The following HPSE2 variants were observed in gnomAD, a reference collection of about 807,000 sequenced individuals.
The protein encoded by HPSE2 is inactive heparanase-2.
HPSE2 carries 38 observed loss-of-function variants against 60.5 expected under a neutral mutation model. That is an observed-to-expected ratio of 0.63 (90% confidence interval 0.48 to 0.82). The LOEUF is 0.82. Ranked by LOEUF, HPSE2 falls within the 40% of genes least tolerant of loss-of-function variation. HPSE2 has a pLI of 0.00. For missense variants in HPSE2, 713 were observed against 740.4 expected, an observed-to-expected ratio of 0.96 and a Z score of 0.43; for synonymous variants, 295 against 293.2, an observed-to-expected ratio of 1.01 and a Z score of -0.06.
intron 3 of HPSE2, among the ~76,000 whole-genome samples, chr10:98,881,023 C>T (rs963833439): frequency 3.3e-5 from 5 of 152,046 alleles, no homozygotes; most frequent in African/African-American, 4.8e-5. Flanking sequence ...TATCCCATAG[C>T]GTTGTTCCTC....
intron 2 of HPSE2, among the ~76,000 whole-genome samples, chr10:99,199,395 T>A (rs1300952334): frequency 6.6e-6 from 1 of 152,088 alleles, no homozygotes; most frequent in Non-Finnish European, 1.5e-5. Context: ...TGGTTTAATT[T>A]GCATTTCCCT....
intron 3 of HPSE2, among the ~76,000 whole-genome samples, chr10:99,069,992 A>G (rs1842735528): frequency 6.6e-6 from 1 of 152,186 alleles, no homozygotes. Flanking sequence ...AGAGTAAAGC[A>G]AGGTTTTTCA....
chr10:98,626,100 C>T (rs7914159), intron 7 of HPSE2, among the ~76,000 whole-genome samples: 1,479 of 134,400 alleles, frequency 0.011, 35 homozygotes, highest in African/African-American at 0.039. Flanking sequence ...AGCGAGACTC[C>T]GTCTCAAAAA....
chr10:99,221,304 C>T (rs766261827), intron 2 of HPSE2, among the ~76,000 whole-genome samples: 8 of 152,036 alleles, frequency 5.3e-5, no homozygotes, highest in Non-Finnish European at 1.0e-4. Flanking sequence ...ATATTAGCTA[C>T]CAAATAAGTG....
At chr10:99,208,116 T>A (rs1301027737) in intron 2 of HPSE2, among the ~76,000 whole-genome samples, 1 of 151,502 alleles carries the variant, frequency 6.6e-6, no homozygotes, top group African/African-American at 2.4e-5. Context: ...TTTTCTTTCT[T>A]CCTCTTTCTC....
chr10:98,560,540 A>C (rs1191612146), intron 9 of HPSE2, among the ~76,000 whole-genome samples: 1 of 152,104 alleles, frequency 6.6e-6, no homozygotes, highest in East Asian at 1.9e-4. Flanking sequence ...TGTAGGCCCC[A>C]CCTTTCTCTT....
At chr10:98,640,682 G>A (rs779929843) in intron 7 of HPSE2, among the ~76,000 whole-genome samples, 2 of 152,000 alleles carry the variant, frequency 1.3e-5, no homozygotes, top group Non-Finnish European at 2.9e-5. Context: ...TGTTTAATCC[G>A]CTCGAGAAAT....
At chr10:98,586,252 T>A (rs1944937738) in intron 9 of HPSE2, among the ~76,000 whole-genome samples, 1 of 152,198 alleles carries the variant, frequency 6.6e-6, no homozygotes. Flanking sequence ...ATGCATCGTA[T>A]TTTGACATAT....
At chr10:98,726,467 A>C (rs1949082574) in intron 4 of HPSE2, among the ~76,000 whole-genome samples, 1 of 123,754 alleles carries the variant, frequency 8.1e-6, no homozygotes, top group African/African-American at 3.1e-5. Flanking sequence ...GGGGAACATC[A>C]CACACCAGGG....
At chr10:99,302,675 G>A in the HPSE2 span, among the ~76,000 whole-genome samples, 1 of 152,068 alleles carries the variant, frequency 6.6e-6, no homozygotes, top group African/African-American at 2.4e-5. Context: ...AGATAGTTAA[G>A]TATTTCCATG....
chr10:99,025,690 G>C (rs957782609), intron 3 of HPSE2, among the ~76,000 whole-genome samples: 1 of 152,000 alleles, frequency 6.6e-6, no homozygotes, highest in Non-Finnish European at 1.5e-5. Context: ...ACAGACACTG[G>C]GTATACCTGA....
At chr10:98,879,852 CGTGTGT>C (rs3043546) in intron 3 of HPSE2, among the ~76,000 whole-genome samples, 39 of 145,784 alleles carry the variant, frequency 2.7e-4, no homozygotes, top group South Asian at 4.5e-4. Context: ...TGTGCATGTG[CGTGTGT>C]GTGTGTGTGT....
At position 99,130,753 on chromosome 10, in the gene HPSE2, G is replaced by C. The variant is rs867026580; in HGVS notation, c.610+13485C>G. On this transcript the variant is annotated intron_variant, in intron 3 of 11. Transcript: ENST00000370552. ...GCAGGGGCCTTAAGACTATTACAAG[G>C]TGACAGACCCGGGGCTTTGGGAGTT... 1.1e-4 allele frequency among the ~76,000 whole-genome samples: 17 copies of C among 152,328 alleles called. 1 individual carries two copies. Among genetic ancestry groups the C allele is most frequent in the Middle Eastern group, 6.8e-3 (2 of 294 alleles).
chr10:99,029,731 C>A (rs185829831), intron 3 of HPSE2, among the ~76,000 whole-genome samples: 1 of 152,180 alleles, frequency 6.6e-6, no homozygotes, highest in African/African-American at 2.4e-5. Context: ...AACATGAAGG[C>A]GGACTAGGAG....
the HPSE2 span, among the ~76,000 whole-genome samples, chr10:99,251,306 C>A: frequency 6.6e-6 from 1 of 152,074 alleles, no homozygotes; most frequent in Non-Finnish European, 1.5e-5. Context: ...AAATTGAAAC[C>A]CTGAACAGAC....
intron 3 of HPSE2, among the ~76,000 whole-genome samples, chr10:99,113,281 T>A (rs961428094): frequency 4.6e-5 from 7 of 152,200 alleles, no homozygotes. Context: ...ACAAGCTCCA[T>A]AAAACTAGTA....
chr10:98,593,127 C>T (rs1353772678), intron 9 of HPSE2, among the ~76,000 whole-genome samples: 1 of 152,120 alleles, frequency 6.6e-6, no homozygotes, highest in Non-Finnish European at 1.5e-5. Context: ...CTTCAATTTG[C>T]TCATTGTTTA....
At chr10:98,722,011 G>A (rs751192647) in intron 4 of HPSE2, among the ~76,000 whole-genome samples, 183 bp from the exon 5 acceptor site, 11 of 151,272 alleles carry the variant, frequency 7.3e-5, no homozygotes, top group Admixed American at 4.0e-4. Flanking sequence ...TTAGCTTGCT[G>A]TTCCATTCAT....
chr10:98,463,991 C>T (rs754843341), intron 11 of HPSE2, among the ~76,000 whole-genome samples: 4 of 152,062 alleles, frequency 2.6e-5, no homozygotes, highest in Non-Finnish European at 5.9e-5. Context: ...GTGGCGCACA[C>T]CTGTAATCCC....
Sources: allele counts gnomAD v4.1 joint callset (sites outside exome capture counted in the v4.1 genomes callset), GRCh38; gene constraint gnomAD v4.1.1; transcripts MANE v1.5; gene names NCBI Gene and HGNC (gene_info 2026-07-23, HGNC 2026-07-21).